Variants in P3H3 observed in about 807,000 individuals in gnomAD.
The protein encoded by P3H3 is prolyl 3-hydroxylase 3, also known as gene rich cluster, B.
Under a neutral mutation model 78.1 loss-of-function variants are expected in P3H3, and 64 were observed. The observed-to-expected ratio is 0.82, with a 90% CI of 0.67 to 1.01. The LOEUF (loss-of-function observed/expected upper bound fraction) is 1.01, where lower values mean the gene tolerates loss of function less well. P3H3 is among the 50% of genes least tolerant of loss of function. P3H3 has a pLI of 0.00. For synonymous variants in P3H3, 425 were observed against 416.7 expected (o/e 1.02, Z -0.24); for missense variants, 975 against 982.2 (o/e 0.99, Z 0.10).
rs536565960 is a variant in P3H3, at chr12:6,830,523, G to C, written c.822G>C (p.Ala274=). 6.4e-7 allele frequency: 1 copy of C among 1,573,308 alleles called. No individual in the cohort carries two copies. Among genetic ancestry groups the C allele is most frequent in the South Asian group, 1.2e-5 (1 of 85,126 alleles). ...CTGAAGAAGAGGAGGATGGGGCTGC[G>C]AGCCAGGGGGGCCTCTATGAGGCCA... ...QGAEEEEDGA[A]SQGGLYEAIA... is the part of the protein sequence containing the mutation. Residue 274 remains alanine, a synonymous_variant, in exon 3 of 15, where the codon GCG becomes GCC. Coordinates refer to ENST00000290510, the MANE Select transcript of P3H3 (RefSeq NM_014262.5).
At position 6,829,596 on chromosome 12, in the gene P3H3, C is replaced by T. The variant is rs192252731; in HGVS notation, c.499-263C>T. On this transcript the variant is annotated intron_variant, in intron 1 of 14. Coordinates refer to ENST00000290510, the MANE Select transcript of P3H3 (RefSeq NM_014262.5). The surrounding 1 kb of genome is among the most constrained non-coding windows in gnomAD (Gnocchi z 5.1). ...CCACCTGGTCTCCCAAATTGAGGTCCTGAAGTCCTGAGACCCATGTCCCAC... is the reference window on the plus strand; with the variant it reads ...CCACCTGGTCTCCCAAATTGAGGTCTTGAAGTCCTGAGACCCATGTCCCAC... The T allele has an allele frequency of 4.1e-6, 2 of 486,874 alleles. No individual in the cohort carries two copies. The highest frequency in any genetic ancestry group is 7.8e-5 in the East Asian group (2 of 25,724). The allele number at this position is 486,874 out of a possible 1,614,324, so 30.2% of individuals were successfully genotyped here. A position where few individuals can be genotyped will look rare whatever the true frequency, so the allele number is the denominator to read the frequency against.
intron 9 of P3H3, among the ~76,000 whole-genome samples, chr12:6,836,635 G>C (rs1244502103): frequency 6.6e-6 from 1 of 152,136 alleles, no homozygotes; most frequent in South Asian, 2.1e-4. Context: ...TTGGCTCATC[G>C]GGGATTAATG....
intron 13 of P3H3, among the ~76,000 whole-genome samples, 179 bp from the exon 14 acceptor site, chr12:6,838,821 C>T (rs1943527390): frequency 6.6e-6 from 1 of 152,192 alleles, no homozygotes; most frequent in Non-Finnish European, 1.5e-5. Flanking sequence ...CATTTTTGCT[C>T]TGCAAGTTGA....
In P3H3 at chr12:6,829,008, C is replaced by T; in HGVS notation, c.498+70C>T. 1.1e-6 allele frequency: 1 copy of T among 929,442 alleles called. No homozygotes were observed. Among genetic ancestry groups the T allele is most frequent in the Non-Finnish European group, 1.4e-6 (1 of 711,536 alleles). 57.6% of individuals were successfully genotyped at this position (929,442 alleles called of 1,614,324 possible). ...CGACGCTGTCCTACTTTGCGTTGCC[C>T]AGGAGTAGGCGGAATGCTGTTGCCC... On this transcript the variant is annotated intron_variant, in intron 1 of 14. Transcript: ENST00000290510. This position sits in a 1 kb window ranked among gnomAD's most constrained non-coding sequence, Gnocchi z 5.1.
At position 6,829,751 on chromosome 12, in the gene P3H3, T is replaced by TG; in HGVS notation, c.499-104dup. 8.2e-7 allele frequency: 1 copy of TG among 1,226,594 alleles called. No homozygotes were observed. Among genetic ancestry groups the TG allele is most frequent in the East Asian group, 2.3e-5 (1 of 43,046 alleles). The allele number at this position is 1,226,594 out of a possible 1,614,324, so 76.0% of individuals were successfully genotyped here. A position where few individuals can be genotyped will look rare whatever the true frequency, so the allele number is the denominator to read the frequency against. On this transcript the variant is annotated intron_variant, in intron 1 of 14. Transcript: ENST00000290510. This position sits in a 1 kb window ranked among gnomAD's most constrained non-coding sequence, Gnocchi z 5.1. ...GATTGGCCAGTCTTCCATGAGGCTCTGGGGCACCCAGAGTGTGTGTCTGGG... is the reference window on the plus strand; with the variant it reads ...GATTGGCCAGTCTTCCATGAGGCTCTGGGGGCACCCAGAGTGTGTGTCTGGG...
At position 6,839,435 on chromosome 12, in the gene P3H3, G is replaced by T; in HGVS notation, c.2185G>T (p.Ala729Ser). 1.3e-6 allele frequency: 2 copies of T among 1,551,632 alleles called. No homozygotes were observed. The highest frequency in any genetic ancestry group is 1.7e-6 in the Non-Finnish European group (2 of 1,147,008). ...GAGGGTCCAAGACAAGACTGGAAGGGCACCTCGGGTTCGGGAGGAGCTGTG... is the reference window on the plus strand; with the variant it reads ...GAGGGTCCAAGACAAGACTGGAAGGTCACCTCGGGTTCGGGAGGAGCTGTG... Reference protein sequence around the residue: ...HQRVQDKTGRAPRVREEL With the variant: ...HQRVQDKTGRSPRVREEL Residue 729 changes from alanine to serine, a missense_variant, in exon 15 of 15, where the codon GCA (alanine) becomes TCA (serine). Transcript: ENST00000290510.
chr12:6,831,691 G>C lies in P3H3; in HGVS notation c.1123-134G>C. The C allele has an allele frequency of 1.4e-6, 1 of 709,880 alleles. No homozygotes were observed. Among genetic ancestry groups the C allele is most frequent in the Admixed American group, 2.3e-5 (1 of 43,338 alleles). The allele number at this position is 709,880 out of a possible 1,614,324, so 44.0% of individuals were successfully genotyped here. ...TCCAGATGCTCTGAAGCTGCTGAGG[G>C]GGAACGTTGAACAGAGGAACCGGGG... On this transcript the variant is annotated intron_variant, in intron 5 of 14. Coordinates refer to ENST00000290510, the MANE Select transcript of P3H3 (RefSeq NM_014262.5). The surrounding 1 kb of genome is among the most constrained non-coding windows in gnomAD (Gnocchi z 4.6).
intron 9 of P3H3, among the ~76,000 whole-genome samples, chr12:6,836,770 G>A (rs1240403637): frequency 3.9e-5 from 6 of 152,330 alleles, no homozygotes; most frequent in South Asian, 4.1e-4. Flanking sequence ...CTTAGTAAGC[G>A]GGATTCCAGC....
chr12:6,835,857 AG>A (rs1943490784), intron 9 of P3H3, among the ~76,000 whole-genome samples: 3 of 152,140 alleles, frequency 2.0e-5, no homozygotes, highest in Admixed American at 2.0e-4. Context: ...AGTCACCTGT[AG>A]GAGTGGTAGA....
rs371844807 is a variant in P3H3 at position 6,829,954 on chromosome 12, A to G, written c.594A>G (p.Arg198=). 4.9e-5 allele frequency: 79 copies of G among 1,613,978 alleles called. No individual in the cohort carries two copies. In the South Asian group the frequency reaches 7.9e-4, roughly 16 times the overall value. ...TGCGGGAGGACATGGCTAAGTACAGACGAATGTCGGGAGTTCGGCCCCAGA... is the reference window on the plus strand; with the variant it reads ...TGCGGGAGGACATGGCTAAGTACAGGCGAATGTCGGGAGTTCGGCCCCAGA... ...LQMREDMAKY[R]RMSGVRPQSF... is the part of the protein sequence containing the mutation. Residue 198 remains arginine (R), a synonymous_variant, in exon 2 of 15, where the codon AGA becomes AGG. Coordinates refer to ENST00000290510, the MANE Select transcript of P3H3 (RefSeq NM_014262.5). This position sits in a 1 kb window ranked among gnomAD's most constrained non-coding sequence, Gnocchi z 5.1.
Position 6,831,034 on chromosome 12 carries a change from G to T in P3H3, c.986-182G>T, listed in dbSNP as rs1943445924. 2 of 885,200 alleles carry T rather than the reference G, an allele frequency of 2.3e-6. No homozygotes were observed. Among genetic ancestry groups the T allele is most frequent in the Non-Finnish European group, 3.7e-6 (2 of 534,520 alleles). The allele number at this position is 885,200 out of a possible 1,614,324, so 54.8% of individuals were successfully genotyped here. A position where few individuals can be genotyped will look rare whatever the true frequency, so the allele number is the denominator to read the frequency against. On this transcript the variant is annotated intron_variant, in intron 4 of 14. Transcript: ENST00000290510. The surrounding 1 kb of genome is among the most constrained non-coding windows in gnomAD (Gnocchi z 4.6). ...CTCTTCTTTGAACTCTCCAGCTAAG[G>T]TATGTTTGCACCAGTGTTTGAAAGA...
In P3H3 at chr12:6,829,769, T is replaced by A. The variant is rs1325190617; in HGVS notation, c.499-90T>A. 3 of 1,387,478 alleles carry A rather than the reference T, an allele frequency of 2.2e-6. No homozygotes were observed. Among genetic ancestry groups the A allele is most frequent in the Middle Eastern group, 1.9e-4 (1 of 5,270 alleles). The allele number at this position is 1,387,478 out of a possible 1,614,324, so 85.9% of individuals were successfully genotyped here. On this transcript the variant is annotated intron_variant, in intron 1 of 14. Coordinates refer to ENST00000290510, the MANE Select transcript of P3H3 (RefSeq NM_014262.5). This position sits in a 1 kb window ranked among gnomAD's most constrained non-coding sequence, Gnocchi z 5.1. Reference sequence around the variant, plus strand: ...GAGGCTCTGGGGCACCCAGAGTGTGTGTCTGGGGTAGGGTGGGGAGGCTGG... The same window carrying A: ...GAGGCTCTGGGGCACCCAGAGTGTGAGTCTGGGGTAGGGTGGGGAGGCTGG...
rs1325041538 is a variant in P3H3 at position 6,828,831 on chromosome 12, C to G, written c.391C>G (p.Arg131Gly). 1.6e-5 allele frequency: 20 copies of G among 1,242,112 alleles called. No individual in the cohort carries two copies. Among genetic ancestry groups the G allele is most frequent in the Non-Finnish European group, 2.0e-5 (20 of 992,902 alleles). 76.9% of individuals were successfully genotyped at this position (1,242,112 alleles called of 1,614,324 possible). ...AGACTGCCTGACCCAGTGCGCAGCA[C>G]GGAGGCTGGGCCCCGGGGGCGCGGC... ...RADCLTQCAA[R>G]RLGPGGAARL... Residue 131 changes from arginine (R) to glycine (G), a missense_variant, in exon 1 of 15, where the codon CGG becomes GGG. Transcript: ENST00000290510.
In P3H3 at chr12:6,831,728, A is replaced by T; in HGVS notation, c.1123-97A>T. The T allele has an allele frequency of 1.3e-6, 1 of 776,050 alleles. No homozygotes were observed. Among genetic ancestry groups the T allele is most frequent in the African/African-American group, 1.7e-5 (1 of 57,784 alleles). The allele number at this position is 776,050 out of a possible 1,614,324, so 48.1% of individuals were successfully genotyped here. ...CAGAGGAACCGGGGGGCATGGTGCC[A>T]GGTTCAAGGAGCATGGAGCACCCAG... On this transcript the variant is annotated intron_variant, in intron 5 of 14. Transcript: ENST00000290510. The surrounding 1 kb of genome is among the most constrained non-coding windows in gnomAD (Gnocchi z 4.6).
chr12:6,836,697 C>T (rs1372724055), intron 9 of P3H3, among the ~76,000 whole-genome samples: 1 of 152,166 alleles, frequency 6.6e-6, no homozygotes, highest in Non-Finnish European at 1.5e-5. Context: ...TCCAGCTGTC[C>T]CTACCCTCTC....
chr12:6,838,154 C>A, intron 13 of P3H3, 121 bp downstream of exon 13: 4 of 1,330,058 alleles, frequency 3.0e-6, no homozygotes, highest in Non-Finnish European at 4.1e-6. Context: ...CCTTTCACTT[C>A]CCCGCCTCCG....
In P3H3 at chr12:6,834,029, G is replaced by T; in HGVS notation, c.1438G>T (p.Val480Leu). The T allele has an allele frequency of 1.2e-6, 2 of 1,613,680 alleles. No individual in the cohort carries two copies. Among genetic ancestry groups the T allele is most frequent in the Non-Finnish European group, 8.5e-7 (1 of 1,179,876 alleles). ...DGLLTPAECG[V>L]LLQLAKDAAG... is the part of the protein sequence containing the mutation. ...GCTGCTCACCCCAGCCGAGTGTGGG[G>T]TGCTGCTGCAGCTGGCTAAGGTAGG... Residue 480 changes from valine to leucine, a missense_variant, in exon 9 of 15, where the codon GTG (valine) becomes TTG (leucine). Val to Leu is a conservative substitution (Grantham distance 32). Transcript: ENST00000290510.
chr12:6,835,594 AT>A (rs1429147382), intron 9 of P3H3, among the ~76,000 whole-genome samples: 10 of 152,060 alleles, frequency 6.6e-5, no homozygotes, highest in East Asian at 1.9e-4. Flanking sequence ...CGAAAAATAA[AT>A]TTTTTTAAAT....
Position 6,833,990 on chromosome 12 carries a change from G to C in P3H3, c.1399G>C (p.Ala467Pro). Reference sequence around the variant, plus strand: ...CAGGCAGCTGAATGGGTCGGAGCGGGCGGTGTTGGATGGGCTGCTCACCCC... The same window carrying C: ...CAGGCAGCTGAATGGGTCGGAGCGGCCGGTGTTGGATGGGCTGCTCACCCC... ...DSRQLNGSER[A>P]VLDGLLTPAE... Residue 467 changes from alanine to proline, a missense_variant, in exon 9 of 15, where the codon GCG becomes CCG. Physicochemically the swap from Ala to Pro is conservative, Grantham distance 27 (BLOSUM62 -1). Coordinates refer to ENST00000290510, the MANE Select transcript of P3H3 (RefSeq NM_014262.5). 6.2e-7 allele frequency: 1 copy of C among 1,613,868 alleles called. No individual in the cohort carries two copies. Among genetic ancestry groups the C allele is most frequent in the Non-Finnish European group, 8.5e-7 (1 of 1,179,892 alleles).
Sources: allele counts gnomAD v4.1 joint callset (sites outside exome capture counted in the v4.1 genomes callset), GRCh38; gene constraint gnomAD v4.1.1; non-coding constraint Gnocchi (gnomAD v3.1); transcripts MANE v1.5; gene names NCBI Gene and HGNC (gene_info 2026-07-23, HGNC 2026-07-21).